PDZD2: variants seen among roughly 807,000 people sequenced by gnomAD.
The protein encoded by PDZD2 is PDZ domain-containing protein 2.
Under a neutral mutation model 220.7 loss-of-function variants are expected in PDZD2, and 90 were observed. The ratio of observed to expected loss-of-function variants is 0.41; its 90% CI spans 0.34 to 0.49. The LOEUF (loss-of-function observed/expected upper bound fraction) is 0.49, where lower values mean the gene tolerates loss of function less well. Ranked by LOEUF, PDZD2 falls within the 20% of genes least tolerant of loss-of-function variation. The probability of loss-of-function intolerance (pLI) is 0.28; values close to 1 mark genes in which losing one functional copy is unlikely to be tolerated. For missense variants in PDZD2, 3,174 were observed against 3,608.5 expected, an observed-to-expected ratio of 0.88 and a Z score of 3.08; for synonymous variants, 1,375 against 1,450.5, an observed-to-expected ratio of 0.95 and a Z score of 1.18.
chr5:32,025,591 C>CTGTTTTTTTTTTTTTTTTTTTT (rs1754583821), intron 6 of PDZD2, among the ~76,000 whole-genome samples: 1 of 67,510 alleles, frequency 1.5e-5, no homozygotes, highest in East Asian at 4.4e-4. Flanking sequence ...AACCATGATG[C>CTGTTTTTTTTTTTTTTTTTTTT]TTTTTTTTTT....
intron 3 of PDZD2, among the ~76,000 whole-genome samples, chr5:31,990,891 T>A (rs746936413): frequency 1.1e-4 from 16 of 152,024 alleles, no homozygotes; most frequent in African/African-American, 3.9e-4. Flanking sequence ...CTGGTTGATG[T>A]TGGGTGTCAG....
chr5:31,886,152 G>A (rs1169242311), intron 2 of PDZD2, among the ~76,000 whole-genome samples: 1 of 152,124 alleles, frequency 6.6e-6, no homozygotes, highest in African/African-American at 2.4e-5. Context: ...GCCTGTCTTG[G>A]CCTCCCAAAG....
At chr5:31,773,515 G>T (rs1752460234) in intron 1 of PDZD2, among the ~76,000 whole-genome samples, 1 of 151,748 alleles carries the variant, frequency 6.6e-6, no homozygotes, top group African/African-American at 2.4e-5. Context: ...GTGAAGCATG[G>T]TGGCGCATGT....
chr5:32,068,603 G>A (rs1264686663), intron 14 of PDZD2, among the ~76,000 whole-genome samples: 2 of 152,174 alleles, frequency 1.3e-5, no homozygotes, highest in Non-Finnish European at 2.9e-5. Context: ...AGTAGTACTT[G>A]CAAAGGACAC....
At chr5:31,846,427 G>A (rs967984129) in intron 2 of PDZD2, among the ~76,000 whole-genome samples, 9 of 152,170 alleles carry the variant, frequency 5.9e-5, no homozygotes, top group African/African-American at 1.4e-4. Flanking sequence ...GAGCCACCAC[G>A]CCTGGCCAGG....
chr5:31,860,306 T>C (rs750636491), intron 2 of PDZD2, among the ~76,000 whole-genome samples: 1 of 152,108 alleles, frequency 6.6e-6, no homozygotes, highest in Non-Finnish European at 1.5e-5. Context: ...TCCGCCTCAG[T>C]GCATGTTGCC....
chr5:32,029,261 A>G (rs73751772), intron 6 of PDZD2, among the ~76,000 whole-genome samples: 4,485 of 141,222 alleles, frequency 0.032, 219 homozygotes, highest in African/African-American at 0.11. Context: ...GTCCCTAGAC[A>G]GTTGTCCTAG....
chr5:32,006,636 C>A (rs1233848427), intron 5 of PDZD2, among the ~76,000 whole-genome samples: 1 of 151,260 alleles, frequency 6.6e-6, no homozygotes, highest in Non-Finnish European at 1.5e-5. Flanking sequence ...CTAGGACTCC[C>A]AAGGTAATGG....
At chr5:31,934,564 A>T (rs1296983152) in intron 2 of PDZD2, among the ~76,000 whole-genome samples, 1 of 147,956 alleles carries the variant, frequency 6.8e-6, no homozygotes, top group Non-Finnish European at 1.5e-5. Flanking sequence ...ACATGAGAAA[A>T]TGTATAGCAT....
chr5:32,002,902 C>CA (rs1554022548), intron 5 of PDZD2, among the ~76,000 whole-genome samples: 31 of 13,260 alleles, frequency 2.3e-3, no homozygotes, highest in African/African-American at 7.1e-3. Context: ...CCAACACACA[C>CA]CCCCACCACA....
chr5:31,692,421 C>T (rs901196009), intron 1 of PDZD2, among the ~76,000 whole-genome samples: 2 of 152,230 alleles, frequency 1.3e-5, no homozygotes, highest in Non-Finnish European at 1.5e-5. Context: ...CACAGTGTAG[C>T]GGCGGGCTGA....
chr5:31,835,267 G>A (rs1036211621), intron 2 of PDZD2, among the ~76,000 whole-genome samples: 8 of 152,124 alleles, frequency 5.3e-5, no homozygotes, highest in African/African-American at 1.2e-4. Flanking sequence ...ATTATCCCTC[G>A]AATATCTTCC....
chr5:31,737,229 G>C (rs573029022), intron 1 of PDZD2, among the ~76,000 whole-genome samples: 8 of 129,276 alleles, frequency 6.2e-5, no homozygotes, highest in South Asian at 2.5e-4. Context: ...CTGGAGTGCA[G>C]TGGCGCCATC....
At chr5:32,025,013 C>G (rs1191613201) in intron 6 of PDZD2, among the ~76,000 whole-genome samples, 3 of 152,358 alleles carry the variant, frequency 2.0e-5, no homozygotes, top group Admixed American at 2.0e-4. Context: ...AACAGCCTCT[C>G]TTTTTGCTCC....
rs147025594 is a variant in PDZD2 at position 32,087,323 on chromosome 5, C to A, written c.3875C>A (p.Pro1292Gln). ...VRLPHEGSPS[P>Q]GEKAAAPPDY... ...CTCCCCCATGAGGGCAGCCCCTCCC[C>A]GGGGGAGAAAGCAGCGGCTCCCCCT... The change falls in exon 20 of 25, where the codon CCG becomes CAG. Residue 1292 changes from proline to glutamine, a missense_variant. Pro to Gln is a moderately conservative substitution (Grantham distance 76). Transcript: ENST00000438447. This position sits in a 1 kb window ranked among gnomAD's most constrained non-coding sequence, Gnocchi z 4.0. The A allele has an allele frequency of 1.5e-5, 25 of 1,613,964 alleles. No individual in the cohort carries two copies. The highest frequency in any genetic ancestry group is 2.1e-5 in the Non-Finnish European group (25 of 1,179,958).
intron 2 of PDZD2, among the ~76,000 whole-genome samples, chr5:31,819,397 T>C (rs1975041): frequency 0.51 from 77,868 of 151,910 alleles, 20,990 homozygotes; most frequent in Non-Finnish European, 0.61. Context: ...TGGCCCACAC[T>C]TGTAATCCCA....
chr5:31,729,465 A>G (rs571665579), intron 1 of PDZD2, among the ~76,000 whole-genome samples: 2 of 152,194 alleles, frequency 1.3e-5, no homozygotes, highest in South Asian at 4.1e-4. Flanking sequence ...CCCACTTTAC[A>G]GATGGAAAAG....
intron 2 of PDZD2, among the ~76,000 whole-genome samples, chr5:31,948,246 C>T (rs185646406): frequency 6.6e-6 from 1 of 152,128 alleles, no homozygotes; most frequent in African/African-American, 2.4e-5. Flanking sequence ...TTTGGGCGAG[C>T]AAGCTGGGAC....
chr5:32,071,429 G>C lies in PDZD2; in HGVS notation c.2568+11G>C, dbSNP rs1344602095. 2 of 1,603,038 alleles carry C rather than the reference G, an allele frequency of 1.2e-6. No homozygotes were observed. Among genetic ancestry groups the C allele is most frequent in the African/African-American group, 1.3e-5 (1 of 74,660 alleles). On this transcript the variant is annotated intron_variant, in intron 16 of 24. Transcript: ENST00000438447. ...TCTCTTGCAAAAAAGGTGAGTCAAG[G>C]TGAACTGCTACCTGCCTCCCTCAGC...
Sources: allele counts gnomAD v4.1 joint callset (sites outside exome capture counted in the v4.1 genomes callset), GRCh38; gene constraint gnomAD v4.1.1; non-coding constraint Gnocchi (gnomAD v3.1); transcripts MANE v1.5; gene names NCBI Gene and HGNC (gene_info 2026-07-23, HGNC 2026-07-21).